CD28: variants seen among roughly 807,000 people sequenced by gnomAD.
The protein encoded by CD28 is CD28 molecule.
In CD28, 8 loss-of-function variants were observed where a neutral mutation model predicts 21.4. The observed-to-expected ratio is 0.37, with a 90% CI of 0.22 to 0.68. CD28 has a LOEUF of 0.68. CD28 is among the 30% of genes least tolerant of loss of function. The pLI, the probability that CD28 is intolerant of heterozygous loss-of-function variation, is 0.55. For missense variants in CD28, 239 were observed against 272.2 expected (o/e 0.88, Z 0.86); for synonymous variants, 106 against 104.0 (o/e 1.02, Z -0.12).
At chr2:203,727,581 G>T (rs529150857) in intron 2 of CD28, among the ~76,000 whole-genome samples, 1 of 151,460 alleles carries the variant, frequency 6.6e-6, no homozygotes, top group African/African-American at 2.4e-5. Context: ...CCGGGTTCAC[G>T]TCATTCTCCT....
At position 203,706,702 on chromosome 2, in the gene CD28, C is replaced by T. The variant is rs142565527; in HGVS notation, c.6C>T (p.Leu2=). The change falls in exon 1 of 4, where the codon CTC becomes CTT. Residue 2 remains leucine (L), a synonymous_variant. Coordinates refer to ENST00000324106, the MANE Select transcript of CD28 (RefSeq NM_006139.4). M[L]RLLLALNLFP... is the part of the protein sequence containing the mutation. Reference sequence around the variant, plus strand: ...AGCCCATCGTCAGGACAAAGATGCTCAGGCTGCTCTTGGCTCTCAACTTAT... The same window carrying T: ...AGCCCATCGTCAGGACAAAGATGCTTAGGCTGCTCTTGGCTCTCAACTTAT... 700 of 1,614,100 alleles carry T rather than the reference C, an allele frequency of 4.3e-4. 3 individuals are homozygous for T. In the South Asian group the frequency reaches 5.2e-3, roughly 12 times the overall value.
intron 1 of CD28, among the ~76,000 whole-genome samples, chr2:203,718,900 C>A (rs1410845848): frequency 6.6e-6 from 1 of 152,154 alleles, no homozygotes; most frequent in Admixed American, 6.5e-5. Flanking sequence ...AATGGAAGAT[C>A]TCAATGGTAT....
Position 203,706,644 on chromosome 2 carries a change from T to C in CD28, c.-53T>C. ...TGCGTCTTTCAGTTCCCCTCACACT[T>C]CGGGTTCCTCGGGGAGGAGGGGCTG... On this transcript the variant is annotated 5_prime_UTR_variant, in exon 1 of 4. Transcript: ENST00000324106. 6.2e-7 allele frequency: 1 copy of C among 1,613,956 alleles called. No individual in the cohort carries two copies. Among genetic ancestry groups the C allele is most frequent in the Non-Finnish European group, 8.5e-7 (1 of 1,179,956 alleles).
At chr2:203,716,581 T>A (rs1453160171) in intron 1 of CD28, among the ~76,000 whole-genome samples, 1 of 152,214 alleles carries the variant, frequency 6.6e-6, no homozygotes, top group Non-Finnish European at 1.5e-5. Flanking sequence ...CAGAAAGTAC[T>A]CATTGATTGT....
rs372306333 is a variant in CD28, at chr2:203,717,667, A to C, written c.53-8966A>C. 2.1e-4 allele frequency among the ~76,000 whole-genome samples: 32 copies of C among 152,342 alleles called. 1 individual carries two copies. In the South Asian group the frequency reaches 6.6e-3, roughly 32 times the overall value. On this transcript the variant is annotated intron_variant, in intron 1 of 3. Coordinates refer to ENST00000324106, the MANE Select transcript of CD28 (RefSeq NM_006139.4). ...CATCTTTGGATTCAATGAACCATGG[A>C]TCAAAAACAGTATTTGTGGGATGCA... is the stretch of plus-strand genomic sequence containing the variant.
chr2:203,718,623 C>A (rs1307641281), intron 1 of CD28, among the ~76,000 whole-genome samples: 1 of 152,152 alleles, frequency 6.6e-6, no homozygotes, highest in African/African-American at 2.4e-5. Context: ...TAAATGGAAC[C>A]TGATAAAGTT....
chr2:203,734,970 G>T lies in CD28; in HGVS notation c.*58G>T. On this transcript the variant is annotated 3_prime_UTR_variant, in exon 4 of 4. Coordinates refer to ENST00000324106, the MANE Select transcript of CD28 (RefSeq NM_006139.4). ...CAGCCCCCATCTGCTCAATATCACT[G>T]CTCTGGATAGGAAATGACCGCCATC... 1 of 1,582,672 alleles carries T rather than the reference G, an allele frequency of 6.3e-7. No individual in the cohort carries two copies. Among genetic ancestry groups the T allele is most frequent in the Non-Finnish European group, 8.6e-7 (1 of 1,163,114 alleles).
chr2:203,706,844 A>T, intron 1 of CD28, 96 bp downstream of exon 1: 1 of 982,510 alleles, frequency 1.0e-6, no homozygotes, highest in Non-Finnish European at 1.6e-6. Flanking sequence ...GTGAAATTTG[A>T]ACATTTGAAG....
chr2:203,707,511 T>C (rs1206070944), intron 1 of CD28, among the ~76,000 whole-genome samples: 1 of 152,228 alleles, frequency 6.6e-6, no homozygotes, highest in Non-Finnish European at 1.5e-5. Context: ...CAGAAGCTGC[T>C]ACAACACCAA....
intron 1 of CD28, among the ~76,000 whole-genome samples, chr2:203,707,060 T>C (rs922090132): frequency 6.6e-6 from 1 of 152,084 alleles, no homozygotes; most frequent in Non-Finnish European, 1.5e-5. Flanking sequence ...CCCAGGCTGG[T>C]CTCAAACTTC....
upstream of CD28, chr2:203,706,533 G>T (rs1320110230): frequency 6.4e-7 from 1 of 1,555,494 alleles, no homozygotes; most frequent in East Asian, 2.4e-5. Context: ...GATGCCTTGT[G>T]GTTTGAGTGC....
At chr2:203,717,366 T>C (rs1693486871) in intron 1 of CD28, among the ~76,000 whole-genome samples, 1 of 152,226 alleles carries the variant, frequency 6.6e-6, no homozygotes, top group Admixed American at 6.5e-5. Flanking sequence ...ATTGCTTCTG[T>C]CATGGTGGCC....
At chr2:203,716,684 C>T (rs1693471088) in intron 1 of CD28, among the ~76,000 whole-genome samples, 1 of 152,158 alleles carries the variant, frequency 6.6e-6, no homozygotes, top group South Asian at 2.1e-4. Context: ...CTTTGACTTA[C>T]TTTCTGACAG....
chr2:203,728,926 C>T (rs540196945), intron 2 of CD28, among the ~76,000 whole-genome samples: 1 of 152,210 alleles, frequency 6.6e-6, no homozygotes, highest in African/African-American at 2.4e-5. Context: ...ATGCCTAGTT[C>T]CAGCCCTGAG....
At chr2:203,708,847 G>A (rs905430115) in intron 1 of CD28, among the ~76,000 whole-genome samples, 4 of 152,178 alleles carry the variant, frequency 2.6e-5, no homozygotes, top group African/African-American at 9.7e-5. Context: ...GTATGATTTG[G>A]CCTGGTGTGG....
intron 1 of CD28, 103 bp downstream of exon 1, chr2:203,706,851 G>A: frequency 2.2e-6 from 2 of 916,584 alleles, no homozygotes; most frequent in Non-Finnish European, 3.5e-6. Context: ...TTGAACATTT[G>A]AAGTGTAGTT....
chr2:203,707,664 G>A (rs1693196837), intron 1 of CD28, among the ~76,000 whole-genome samples: 1 of 152,198 alleles, frequency 6.6e-6, no homozygotes, highest in Non-Finnish European at 1.5e-5. Context: ...TAGAAGGTAG[G>A]TATTACAGTT....
At chr2:203,725,489 G>GAA (rs11374410) in intron 1 of CD28, among the ~76,000 whole-genome samples, 10 of 133,086 alleles carry the variant, frequency 7.5e-5, no homozygotes, top group East Asian at 6.0e-4. Context: ...CATTAGAAAA[G>GAA]AAAAAAAAAA....
chr2:203,734,839 G>C lies in CD28; in HGVS notation c.590G>C (p.Arg197Pro). The C allele has an allele frequency of 1.2e-6, 2 of 1,614,088 alleles. No individual in the cohort carries two copies. The highest frequency in any genetic ancestry group is 1.7e-6 in the Non-Finnish European group (2 of 1,180,028). The change falls in exon 4 of 4, where the codon CGC (arginine) becomes CCC (proline). Residue 197 changes from arginine to proline, a missense_variant. By Grantham distance (103) the Arg-to-Pro change is moderately radical. Around this residue, in one of 3 missense-constraint regions of CD28, gnomAD observed 112 missense variants for 112.8 expected, o/e 0.99. Coordinates refer to ENST00000324106, the MANE Select transcript of CD28 (RefSeq NM_006139.4). ...LHSDYMNMTPRRPGPTRKHYQ... is the reference protein window; with the variant it reads ...LHSDYMNMTPPRPGPTRKHYQ... ...AGTGACTACATGAACATGACTCCCC[G>C]CCGCCCCGGGCCCACCCGCAAGCAT...
Sources: allele counts gnomAD v4.1 joint callset (sites outside exome capture counted in the v4.1 genomes callset), GRCh38; gene constraint gnomAD v4.1.1; regional missense constraint gnomAD v4.1.1; transcripts MANE v1.5; gene names NCBI Gene and HGNC (gene_info 2026-07-23, HGNC 2026-07-21).